ZNF48: variants seen among roughly 807,000 people sequenced by gnomAD.
The protein encoded by ZNF48 is zinc finger protein 48, also known as zinc finger protein 553.
ZNF48 carries 20 observed loss-of-function variants against 40.0 expected under a neutral mutation model. That is an observed-to-expected ratio of 0.50 (90% CI 0.35 to 0.73). The LOEUF is 0.73. Ranked by LOEUF, ZNF48 falls within the 30% of genes least tolerant of loss-of-function variation. The probability of loss-of-function intolerance (pLI) is 0.01; values close to 1 mark genes in which losing one functional copy is unlikely to be tolerated. For synonymous variants in ZNF48, 298 were observed against 329.7 expected, an observed-to-expected ratio of 0.90 and a Z score of 1.04; for missense variants, 726 against 851.9, an observed-to-expected ratio of 0.85 and a Z score of 1.84.
Position 30,398,370 on chromosome 16 carries a change from C to A in ZNF48, c.1120C>A (p.Leu374Ile), listed in dbSNP as rs1248116227. 1 of 1,613,170 alleles carries A rather than the reference C, an allele frequency of 6.2e-7. No individual in the cohort carries two copies. The highest frequency in any genetic ancestry group is 1.7e-5 in the Admixed American group (1 of 59,972). Residue 374 changes from leucine to isoleucine, a missense_variant, in exon 3 of 3, where the codon CTT (leucine) becomes ATT (isoleucine). Transcript: ENST00000613509. This position sits in a 1 kb window ranked among gnomAD's most constrained non-coding sequence, Gnocchi z 6.6. Reference protein sequence around the residue: ...CDRTFSLSSTLLRHRLTHMEP... With the variant: ...CDRTFSLSSTILRHRLTHMEP... ...CCGTACCTTCAGCCTCAGCTCCACC[C>A]TTCTTCGCCACCGCCTCACTCACAT...
Position 30,398,459 on chromosome 16 carries a change from A to G in ZNF48, c.1209A>G (p.Pro403=). 2 of 1,310,004 alleles carry G rather than the reference A, an allele frequency of 1.5e-6. No individual in the cohort carries two copies. Among genetic ancestry groups the G allele is most frequent in the African/African-American group, 3.5e-5 (2 of 56,784 alleles). The allele number at this position is 1,310,004 out of a possible 1,614,324, so 81.1% of individuals were successfully genotyped here. A position where few individuals can be genotyped will look rare whatever the true frequency, so the allele number is the denominator to read the frequency against. ...PLPALIPSPP[P]PPLGTSPPLT... is the part of the protein sequence containing the mutation. ...CCGCTCTGATCCCCAGCCCACCCCC[A>G]CCTCCTCTGGGCACCAGCCCCCCGC... Residue 403 remains proline, a synonymous_variant, in exon 3 of 3, where the codon CCA becomes CCG. Coordinates refer to ENST00000613509, the MANE Select transcript of ZNF48 (RefSeq NM_001214909.2). The surrounding 1 kb of genome is among the most constrained non-coding windows in gnomAD (Gnocchi z 6.6).
At chr16:30,387,706 C>T (rs566559105) in intron 1 of ZNF48, among the ~76,000 whole-genome samples, 22 of 149,578 alleles carry the variant, frequency 1.5e-4, no homozygotes, top group South Asian at 1.3e-3. Context: ...TTACAGATGC[C>T]TGCCATCATA....
At position 30,397,506 on chromosome 16, in the gene ZNF48, G is replaced by A; in HGVS notation, c.256G>A (p.Gly86Arg). 6.2e-7 allele frequency: 1 copy of A among 1,614,150 alleles called. No homozygotes were observed. Among genetic ancestry groups the A allele is most frequent in the Non-Finnish European group, 8.5e-7 (1 of 1,180,018 alleles). ...DDLWVQREGL[G>R]KPQPRDRGPR... Reference sequence around the variant, plus strand: ...CTTATGGGTCCAGAGAGAGGGTCTAGGAAAGCCTCAGCCTCGGGACAGAGG... The same window carrying A: ...CTTATGGGTCCAGAGAGAGGGTCTAAGAAAGCCTCAGCCTCGGGACAGAGG... The change falls in exon 3 of 3, where the codon GGA becomes AGA. Residue 86 changes from glycine to arginine, a missense_variant. By Grantham distance (125) the Gly-to-Arg change is moderately radical. Coordinates refer to ENST00000613509, the MANE Select transcript of ZNF48 (RefSeq NM_001214909.2). The surrounding 1 kb of genome is among the most constrained non-coding windows in gnomAD (Gnocchi z 4.1).
At chr16:30,388,432 T>C (rs2049917448) in intron 1 of ZNF48, among the ~76,000 whole-genome samples, 2 of 152,188 alleles carry the variant, frequency 1.3e-5, no homozygotes. Flanking sequence ...TTGCCCTGGC[T>C]GGTCTTGAAC....
Position 30,381,556 on chromosome 16 carries a change from A to C in ZNF48, c.-16+3146A>C, listed in dbSNP as rs2049849588. ...GGCTAGCCAGGACTGTGGGAGTAGAATGTCATTTCTTTGGCTCCCTCCAAA... is the reference window on the plus strand; with the variant it reads ...GGCTAGCCAGGACTGTGGGAGTAGACTGTCATTTCTTTGGCTCCCTCCAAA... On this transcript the variant is annotated intron_variant, in intron 1 of 2. Coordinates refer to the ZNF48 transcript ENST00000528032. This position sits in a 1 kb window ranked among gnomAD's most constrained non-coding sequence, Gnocchi z 4.3. The C allele has an allele frequency of 2.6e-6, 4 of 1,556,574 alleles. 1 individual carries two copies. The highest frequency in any genetic ancestry group is 3.4e-5 in the Admixed American group (2 of 58,098).
rs751175211 is a variant in ZNF48 at position 30,381,262 on chromosome 16, T to G, written c.-16+2852T>G. The G allele has an allele frequency of 1.2e-6, 2 of 1,613,338 alleles. No individual in the cohort carries two copies. The highest frequency in any genetic ancestry group is 1.7e-6 in the Non-Finnish European group (2 of 1,179,502). Reference sequence around the variant, plus strand: ...GCCGGAGCCTGCACCCAGGGATTGGTCATTGCCCAGCCTCAGGGGGCAGAG... The same window carrying G: ...GCCGGAGCCTGCACCCAGGGATTGGGCATTGCCCAGCCTCAGGGGGCAGAG... On this transcript the variant is annotated intron_variant, in intron 1 of 2. Coordinates refer to the ZNF48 transcript ENST00000528032. The surrounding 1 kb of genome is among the most constrained non-coding windows in gnomAD (Gnocchi z 4.3).
rs1190989515 is a variant in ZNF48, at chr16:30,386,707, C to A, written c.-16+8297C>A. Among the ~76,000 whole-genome samples, 3 of 151,940 alleles carry A rather than the reference C, an allele frequency of 2.0e-5. No homozygotes were observed. In the East Asian group the frequency reaches 5.8e-4, roughly 29 times the overall value. On this transcript the variant is annotated intron_variant, in intron 1 of 2. Transcript: ENST00000528032. ...CCCTTGTAGTTTCGCTCTTGTTGTC[C>A]AAGCTGGAGTGCAATGGTGTGATCT...
chr16:30,398,425 A>ATC lies in ZNF48; in HGVS notation c.1176_1177dup (p.Pro393LeufsTer6). The ATC allele has an allele frequency of 6.2e-7, 1 of 1,605,962 alleles. No homozygotes were observed. On this transcript the variant is annotated frameshift_variant, in exon 3 of 3. Coordinates refer to ENST00000613509, the MANE Select transcript of ZNF48 (RefSeq NM_001214909.2). LOFTEE classifies it high-confidence loss of function. This position sits in a 1 kb window ranked among gnomAD's most constrained non-coding sequence, Gnocchi z 6.6. ...CCCCAGGACTTCAGCTTCCCAGGCT[A>ATC]TCCCCTACCCGCTCTGATCCCCAGC...
chr16:30,398,220 G>T lies in ZNF48; in HGVS notation c.970G>T (p.Val324Leu). The T allele has an allele frequency of 6.2e-7, 1 of 1,613,652 alleles. No individual in the cohort carries two copies. The highest frequency in any genetic ancestry group is 8.5e-7 in the Non-Finnish European group (1 of 1,180,010). ...RGSDLVKHLR[V>L]HTGEKPYLCP... The stretch of plus-strand genomic sequence containing the variant: ...ATCCGACCTGGTGAAGCACCTGCGG[G>T]TGCACACGGGTGAGAAGCCCTACCT... The change falls in exon 3 of 3, where the codon GTG (valine) becomes TTG (leucine). Residue 324 changes from valine to leucine, a missense_variant. Around this residue, in one of 5 missense-constraint regions of ZNF48, gnomAD observed 378 missense variants for 449.1 expected, o/e 0.84. Transcript: ENST00000613509. The surrounding 1 kb of genome is among the most constrained non-coding windows in gnomAD (Gnocchi z 6.6).
rs1361313693 is a variant in ZNF48, at chr16:30,381,416, C to G, written c.-16+3006C>G. 1.2e-6 allele frequency: 2 copies of G among 1,614,036 alleles called. No homozygotes were observed. Among genetic ancestry groups the G allele is most frequent in the Non-Finnish European group, 8.5e-7 (1 of 1,180,004 alleles). On this transcript the variant is annotated intron_variant, in intron 1 of 2. Coordinates refer to the ZNF48 transcript ENST00000528032. The surrounding 1 kb of genome is among the most constrained non-coding windows in gnomAD (Gnocchi z 4.3). ...GGATGTTCTTCCGGTTCAGGCCACT[C>G]TCATCCCTAAGGTACTGCTCAAATT...
At position 30,398,006 on chromosome 16, in the gene ZNF48, G is replaced by T. The variant is rs776191661; in HGVS notation, c.756G>T (p.Val252=). Residue 252 remains valine, a synonymous_variant, in exon 3 of 3, where the codon GTG becomes GTT. Coordinates refer to ENST00000613509, the MANE Select transcript of ZNF48 (RefSeq NM_001214909.2). This position sits in a 1 kb window ranked among gnomAD's most constrained non-coding sequence, Gnocchi z 6.6. ...HRGEQPPRPV[V]PRRQPSRAAT... ...GGGAGCAGCCCCCCCGACCAGTGGT[G>T]CCCCGACGGCAGCCATCTCGGGCAG... is the stretch of plus-strand genomic sequence containing the variant. 6.2e-7 allele frequency: 1 copy of T among 1,612,942 alleles called. No individual in the cohort carries two copies. Among genetic ancestry groups the T allele is most frequent in the Non-Finnish European group, 8.5e-7 (1 of 1,179,462 alleles).
chr16:30,378,562 G>GA, intron 1 of ZNF48: 1 of 1,606,936 alleles, frequency 6.2e-7, no homozygotes, highest in Non-Finnish European at 8.5e-7. Flanking sequence ...GGCGAAGCCA[G>GA]AGGGGGACCT....
At chr16:30,389,236 C>A (rs1220617399) in intron 1 of ZNF48, among the ~76,000 whole-genome samples, 1 of 151,428 alleles carries the variant, frequency 6.6e-6, no homozygotes, top group African/African-American at 2.4e-5. Flanking sequence ...ACTAAGAATA[C>A]AAAAAATTAG....
In ZNF48 at chr16:30,382,309, G is replaced by A. The variant is rs139289407; in HGVS notation, c.-16+3899G>A. On this transcript the variant is annotated intron_variant, in intron 1 of 2. Transcript: ENST00000528032. The surrounding 1 kb of genome is among the most constrained non-coding windows in gnomAD (Gnocchi z 4.8). The stretch of plus-strand genomic sequence containing the variant: ...TTAGCGTGAAGTCAAACCCCTTCTT[G>A]ACAGACTTGCGGTGCAGCTGGTTGG... 3 of 1,613,894 alleles carry A rather than the reference G, an allele frequency of 1.9e-6. 1 individual carries two copies. The highest frequency in any genetic ancestry group is 2.5e-6 in the Non-Finnish European group (3 of 1,179,868).
At chr16:30,378,314 A>G in exon 1 of ZNF48, 1 of 981,426 alleles carries the variant, frequency 1.0e-6, no homozygotes, top group Non-Finnish European at 1.5e-6. Flanking sequence ...ACCTCCCCCT[A>G]GCCCGCGCGA....
At chr16:30,395,296 C>T (rs1409700502), upstream of ZNF48, 1 of 454,686 alleles carries the variant, frequency 2.2e-6, no homozygotes, top group African/African-American at 2.0e-5. This position sits in a 1 kb window ranked among gnomAD's most constrained non-coding sequence, Gnocchi z 5.9. Context: ...TAGAGTAGCC[C>T]CTGGGCCGCA....
In ZNF48 at chr16:30,397,567, C is replaced by G; in HGVS notation, c.317C>G (p.Ala106Gly). ...RLLGEPRWGQ[A>G]SSDRAAVCGE... ...CTGGGTGAACCACGCTGGGGCCAGGCTAGTAGTGATCGGGCCGCTGTGTGT... is the reference window on the plus strand; with the variant it reads ...CTGGGTGAACCACGCTGGGGCCAGGGTAGTAGTGATCGGGCCGCTGTGTGT... The change falls in exon 3 of 3, where the codon GCT (alanine) becomes GGT (glycine). Residue 106 changes from alanine (A) to glycine (G), a missense_variant. Physicochemically the swap from Ala to Gly is moderately conservative, Grantham distance 60. Around this residue, in one of 5 missense-constraint regions of ZNF48, gnomAD observed 151 missense variants for 162.3 expected, o/e 0.93. Coordinates refer to ENST00000613509, the MANE Select transcript of ZNF48 (RefSeq NM_001214909.2). The surrounding 1 kb of genome is among the most constrained non-coding windows in gnomAD (Gnocchi z 4.1). 1 of 1,614,048 alleles carries G rather than the reference C, an allele frequency of 6.2e-7. No individual in the cohort carries two copies. The highest frequency in any genetic ancestry group is 8.5e-7 in the Non-Finnish European group (1 of 1,179,996).
rs186209095 is a variant in ZNF48, at chr16:30,379,241, C to G, written c.-16+831C>G. On this transcript the variant is annotated intron_variant, in intron 1 of 2. Transcript: ENST00000528032. ...CAGGGAGTTTCGGGTCCAACCCACC[C>G]GTAAGGGTCGGGTCTACAGGAAAGT... is the stretch of plus-strand genomic sequence containing the variant. The G allele has an allele frequency of 8.1e-6, 13 of 1,598,656 alleles. No individual in the cohort carries two copies. The East Asian group carries it at 1.3e-4, about 16-fold the overall frequency.
In ZNF48 at chr16:30,386,653, C is replaced by T. The variant is rs1023576003; in HGVS notation, c.-16+8243C>T. Reference sequence around the variant, plus strand: ...AATATATTTTTTAATGTGATATCACCATTTTTTTTTTCTTGAGATGGAGTT... The same window carrying T: ...AATATATTTTTTAATGTGATATCACTATTTTTTTTTTCTTGAGATGGAGTT... On this transcript the variant is annotated intron_variant, in intron 1 of 2. Coordinates refer to the ZNF48 transcript ENST00000528032. Among the ~76,000 whole-genome samples the T allele has an allele frequency of 2.6e-5, 4 of 152,104 alleles. No homozygotes were observed. In the East Asian group the frequency reaches 7.7e-4, roughly 29 times the overall value.
Sources: allele counts gnomAD v4.1 joint callset (sites outside exome capture counted in the v4.1 genomes callset), GRCh38; gene constraint gnomAD v4.1.1; regional missense constraint gnomAD v4.1.1; non-coding constraint Gnocchi (gnomAD v3.1); transcripts MANE v1.5; gene names NCBI Gene and HGNC (gene_info 2026-07-23, HGNC 2026-07-21).